Variants in NOX4 observed in about 807,000 individuals in gnomAD.
The protein encoded by NOX4 is kidney oxidase-1.
A neutral mutation model predicts 87.6 loss-of-function variants in NOX4; 69 were observed. The ratio of observed to expected loss-of-function variants is 0.79; its 90% CI spans 0.65 to 0.96. The LOEUF (loss-of-function observed/expected upper bound fraction) is 0.96. Among genes scored for constraint, NOX4 ranks in the 40% least tolerant of loss-of-function variants. The pLI is 0.00. For synonymous variants in NOX4, 275 were observed against 238.2 expected, an observed-to-expected ratio of 1.15 and a Z score of -1.42; for missense variants, 680 against 681.5, an observed-to-expected ratio of 1.00 and a Z score of 0.02.
rs1229450889 is a variant in NOX4 at position 89,325,019 on chromosome 11, G to A, written c.*1737C>T. ...TTATGTAACATTTTAACAATGGCAAGGTAAGTCACACTGCTGATTTCAGCA... is the reference window on the plus strand; with the variant it reads ...TTATGTAACATTTTAACAATGGCAAAGTAAGTCACACTGCTGATTTCAGCA... On this transcript the variant is annotated 3_prime_UTR_variant, in exon 18 of 18. Transcript: ENST00000263317. 2.0e-5 allele frequency: 3 copies of A among 151,114 alleles called. No individual in the cohort carries two copies. Among genetic ancestry groups the A allele is most frequent in the African/African-American group, 4.9e-5 (2 of 41,052 alleles). 9.4% of individuals were successfully genotyped at this position (151,114 alleles called of 1,614,324 possible).
At chr11:89,425,564 A>C (rs1943347418) in intron 7 of NOX4, among the ~76,000 whole-genome samples, 1 of 152,056 alleles carries the variant, frequency 6.6e-6, no homozygotes, top group Admixed American at 6.6e-5. Flanking sequence ...TCATAATATA[A>C]ATTTAGGCAA....
At chr11:89,490,012 C>A (rs965686859) in intron 2 of NOX4, among the ~76,000 whole-genome samples, 7 of 152,168 alleles carry the variant, frequency 4.6e-5, no homozygotes, top group Admixed American at 1.3e-4. Flanking sequence ...AAATGAATAA[C>A]CCCATTAGAC....
At chr11:89,450,378 A>G (rs551781132) in intron 3 of NOX4, among the ~76,000 whole-genome samples, 10 of 152,318 alleles carry the variant, frequency 6.6e-5, no homozygotes, top group African/African-American at 2.2e-4. Context: ...CTTTTAAAAT[A>G]TCAATATCTA....
the NOX4 span, among the ~76,000 whole-genome samples, chr11:89,542,753 A>G: frequency 6.6e-6 from 1 of 152,186 alleles, no homozygotes; most frequent in African/African-American, 2.4e-5. Flanking sequence ...GCAGGAACTC[A>G]GGTTTCTAAT....
At chr11:89,443,491 T>C (rs571895348) in intron 5 of NOX4, 1 of 152,418 alleles carries the variant, frequency 6.6e-6, no homozygotes, top group East Asian at 1.9e-4. Context: ...GAGGACTGTA[T>C]GAAAGCATCA....
chr11:89,485,350 T>C (rs1946550675), intron 2 of NOX4, among the ~76,000 whole-genome samples: 1 of 152,080 alleles, frequency 6.6e-6, no homozygotes, highest in Non-Finnish European at 1.5e-5. Flanking sequence ...ATAACTAGTT[T>C]GAAATTGAAT....
At chr11:89,340,975 A>C (rs1945971436) in intron 14 of NOX4, among the ~76,000 whole-genome samples, 2 of 152,240 alleles carry the variant, frequency 1.3e-5, no homozygotes, top group South Asian at 4.1e-4. Flanking sequence ...GTTCTGCAAA[A>C]AAAATAGTAA....
chr11:89,386,676 A>T (rs1940726649), intron 11 of NOX4, among the ~76,000 whole-genome samples: 1 of 152,064 alleles, frequency 6.6e-6, no homozygotes, highest in Non-Finnish European at 1.5e-5. Context: ...CTCACTGCTA[A>T]AAAAAGAGGA....
In NOX4 at chr11:89,336,297, T is replaced by C. The variant is rs574116729; in HGVS notation, c.1516-352A>G. On this transcript the variant is annotated intron_variant, in intron 16 of 17. Transcript: ENST00000263317. Reference sequence around the variant, plus strand: ...ATTTTCTTAGACTTCAGTTAGTTGTTTCATCTTTAAAGAACTGCAGTGTAA... The same window carrying C: ...ATTTTCTTAGACTTCAGTTAGTTGTCTCATCTTTAAAGAACTGCAGTGTAA... Among the ~76,000 whole-genome samples, 4 of 152,078 alleles carry C rather than the reference T, an allele frequency of 2.6e-5. No individual in the cohort carries two copies. The East Asian group carries it at 7.7e-4, about 29-fold the overall frequency.
the NOX4 span, among the ~76,000 whole-genome samples, chr11:89,533,356 C>T: frequency 2.0e-5 from 3 of 151,564 alleles, no homozygotes; most frequent in Non-Finnish European, 4.4e-5. Flanking sequence ...CTAACACAAA[C>T]TAAAGATATA....
At chr11:89,577,677 T>G in the NOX4 span, 3 of 152,190 alleles carry the variant, frequency 2.0e-5, no homozygotes, top group African/African-American at 7.2e-5. Flanking sequence ...GAAAAACTTT[T>G]TTCTATTCTG....
intron 3 of NOX4, among the ~76,000 whole-genome samples, chr11:89,450,243 A>C (rs1944898870): frequency 6.6e-6 from 1 of 152,180 alleles, no homozygotes; most frequent in Non-Finnish European, 1.5e-5. Flanking sequence ...ATTTTCACAG[A>C]TTACTGCATT....
chr11:89,565,844 A>AT, the NOX4 span, among the ~76,000 whole-genome samples: 2 of 151,702 alleles, frequency 1.3e-5, no homozygotes, highest in South Asian at 2.1e-4. Flanking sequence ...TCTGTACATG[A>AT]TTTTTTCTGC....
At chr11:89,453,514 C>A (rs1019057087) in intron 2 of NOX4, among the ~76,000 whole-genome samples, 11 of 152,162 alleles carry the variant, frequency 7.2e-5, no homozygotes, top group Non-Finnish European at 1.6e-4. Flanking sequence ...TATGTTCACA[C>A]TGAAAACATT....
the NOX4 span, among the ~76,000 whole-genome samples, chr11:89,569,374 C>A: frequency 2.6e-5 from 4 of 151,966 alleles, no homozygotes; most frequent in African/African-American, 9.7e-5. Context: ...ACCAAAATAA[C>A]CCTATTAAAA....
the NOX4 span, among the ~76,000 whole-genome samples, chr11:89,584,260 A>G: frequency 1.3e-5 from 2 of 152,266 alleles, no homozygotes; most frequent in East Asian, 3.9e-4. Context: ...AAAACTAAAT[A>G]TGAGTCTTTA....
intron 5 of NOX4, 111 bp from the exon 6 acceptor site, chr11:89,440,826 G>A (rs902454849): frequency 1.9e-6 from 1 of 536,816 alleles, no homozygotes; most frequent in Non-Finnish European, 3.2e-6. Context: ...GTAAAATACT[G>A]TTCATCCAAC....
intron 11 of NOX4, among the ~76,000 whole-genome samples, chr11:89,394,569 T>G (rs1941346350): frequency 1.3e-5 from 2 of 152,144 alleles, no homozygotes; most frequent in South Asian, 2.1e-4. Context: ...TTGTTACATA[T>G]GTATACATGT....
At chr11:89,507,286 A>G in the NOX4 span, among the ~76,000 whole-genome samples, 3 of 151,728 alleles carry the variant, frequency 2.0e-5, no homozygotes, top group Admixed American at 6.6e-5. Flanking sequence ...ACCCAATTGT[A>G]CCTTTTACAT....
Sources: gnomAD v4.1 joint callset for allele counts (sites outside exome capture counted in the v4.1 genomes callset) on GRCh38, gnomAD v4.1.1 for gene constraint, MANE v1.5 for transcripts, NCBI Gene and HGNC (gene_info 2026-07-23, HGNC 2026-07-21) for gene names.